TMEM164: variants seen among roughly 807,000 people sequenced by gnomAD.
The protein encoded by TMEM164 is RP13-360B22.2.
In TMEM164, 4 loss-of-function variants were observed where a neutral mutation model predicts 18.8. The ratio of observed to expected loss-of-function variants is 0.21; its 90% CI spans 0.10 to 0.49. The LOEUF (loss-of-function observed/expected upper bound fraction) is 0.49, where lower values mean the gene tolerates loss of function less well. TMEM164 is among the 20% of genes least tolerant of loss of function. The pLI is 0.98. For synonymous variants in TMEM164, 86 were observed against 101.7 expected, an observed-to-expected ratio of 0.85 and a Z score of 0.93; for missense variants, 108 against 239.9, an observed-to-expected ratio of 0.45 and a Z score of 3.63.
At chrX:110,039,436 A>G (rs889007989) in intron 2 of TMEM164, among the ~76,000 whole-genome samples, 2 of 112,252 alleles carry the variant, frequency 1.8e-5, no homozygotes, top group African/African-American at 6.5e-5. Context: ...AGTAAGGAAA[A>G]CTCGAGAGCG....
chrX:110,133,702 G>A (rs1378531581), intron 4 of TMEM164, among the ~76,000 whole-genome samples: 3 of 111,528 alleles, frequency 2.7e-5, no homozygotes, highest in Non-Finnish European at 1.9e-5. Context: ...AGAAAATGCA[G>A]CAGACTTAGT....
intron 3 of TMEM164, among the ~76,000 whole-genome samples, chrX:110,079,988 A>T (rs756773371): frequency 4.8e-4 from 53 of 109,361 alleles, no homozygotes; most frequent in Non-Finnish European, 6.8e-4. Context: ...AATAATAATT[A>T]AAAAAAATGA....
chrX:110,115,397 GAGGCACAATAGTGCCTCAACCTTCTGCAA>G (rs2066346922), intron 4 of TMEM164, among the ~76,000 whole-genome samples: 1 of 112,061 alleles, frequency 8.9e-6, no homozygotes, highest in Admixed American at 9.5e-5. Flanking sequence ...AGAATTGAGT[GAGGCACAATAGTGCCTCAACCTTCTGCAA>G]AGGCCAGTAT....
intron 2 of TMEM164, among the ~76,000 whole-genome samples, chrX:110,021,505 C>CTG (rs1569296962): frequency 1.8e-5 from 2 of 110,455 alleles, no homozygotes; most frequent in African/African-American, 6.6e-5. Context: ...AAAAGCAAAT[C>CTG]TGTGTGTGTG....
Position 110,173,494 on chromosome X carries a change from C to T in TMEM164, c.*43C>T, listed in dbSNP as rs200859909. The T allele has an allele frequency of 4.1e-4, 449 of 1,099,754 alleles. 1 individual carries two copies. In the African/African-American group the frequency reaches 5.3e-3, roughly 13 times the overall value. 90.6% of individuals were successfully genotyped at this position (1,099,754 alleles called of 1,213,427 possible). ...TTTTTTCCTCCCTGAGGAAGCAAGT[C>T]GTGACTTGACTTGGAGAACACCCAG... On this transcript the variant is annotated 3_prime_UTR_variant, in exon 7 of 7. Transcript: ENST00000372068.
chrX:110,040,150 GAT>G (rs1457568652), intron 2 of TMEM164, among the ~76,000 whole-genome samples: 1 of 112,294 alleles, frequency 8.9e-6, no homozygotes, highest in Non-Finnish European at 1.9e-5. Flanking sequence ...AGAATGAGAA[GAT>G]ACTCTTGAAA....
chrX:110,108,125 T>TGTGTGTGA lies in TMEM164; in HGVS notation c.441-954_441-953insTGTGTGAG, dbSNP rs1444288844. Among the ~76,000 whole-genome samples the TGTGTGTGA allele has an allele frequency of 8.8e-4, 90 of 102,780 alleles. 1 individual carries two copies. The highest frequency in any genetic ancestry group is 2.8e-3 in the African/African-American group (76 of 26,684). 89.3% of individuals were successfully genotyped at this position (102,780 alleles called of 115,157 possible). On this transcript the variant is annotated intron_variant, in intron 3 of 6. Transcript: ENST00000372068. ...GTGTGTGTGTGTGTGTGTGTGTGTG[T>TGTGTGTGA]GATTGAGATTGACATCAACCCCCAT...
rs747033475 is a variant in TMEM164 at position 110,003,975 on chromosome X, C to T, written c.201C>T (p.Asp67=). Residue 67 remains aspartate (D), a synonymous_variant, in exon 2 of 7, where the codon GAC becomes GAT. Transcript: ENST00000372068. ...ACATCCTGAGGCAGACGAAGGAGGACGGTAGGGGTAGCCCTGGCAGCCAGC... is the reference window on the plus strand; with the variant it reads ...ACATCCTGAGGCAGACGAAGGAGGATGGTAGGGGTAGCCCTGGCAGCCAGC... ...LRHILRQTKE[D]GRGSPGSQPE... 3.3e-6 allele frequency: 4 copies of T among 1,209,376 alleles called. No homozygotes were observed. The highest frequency in any genetic ancestry group is 3.0e-5 in the East Asian group (1 of 33,736).
At chrX:110,115,062 G>T (rs1237766072) in intron 4 of TMEM164, among the ~76,000 whole-genome samples, 1 of 111,488 alleles carries the variant, frequency 9.0e-6, no homozygotes, top group African/African-American at 3.3e-5. Context: ...CATTACTGGG[G>T]TGTCTAGCCT....
chrX:110,148,675 ATTTTTTTTT>A (rs373500523), intron 5 of TMEM164, among the ~76,000 whole-genome samples: 19 of 67,890 alleles, frequency 2.8e-4, no homozygotes, highest in Admixed American at 1.1e-3. Flanking sequence ...CACCCGGCTC[ATTTTTTTTT>A]TTTTTTTTTT....
chrX:110,018,959 C>G lies in TMEM164; in HGVS notation c.390+14795C>G, dbSNP rs1569295997. Among the ~76,000 whole-genome samples the G allele has an allele frequency of 3.6e-5, 4 of 112,148 alleles. No homozygotes were observed. In the South Asian group the frequency reaches 1.1e-3, roughly 31 times the overall value. The stretch of plus-strand genomic sequence containing the variant: ...TGTCTTGAGAGCAGGAACATTTAAA[C>G]ATTCCCTAGGCCACCTGTTTCTAGA... On this transcript the variant is annotated intron_variant, in intron 2 of 6. Coordinates refer to ENST00000372068, the MANE Select transcript of TMEM164 (RefSeq NM_032227.4).
In TMEM164 at chrX:110,062,928, G is replaced by A. The variant is rs1245501929; in HGVS notation, c.391-4419G>A. ...CTTGTAGCAGTGTGCCTGGAGGCAG[G>A]AGACCAGTAAGGAAATTATTGCAGT... On this transcript the variant is annotated intron_variant, in intron 2 of 6. Transcript: ENST00000372068. Among the ~76,000 whole-genome samples, 6 of 111,774 alleles carry A rather than the reference G, an allele frequency of 5.4e-5. No individual in the cohort carries two copies. The Admixed American group carries it at 5.7e-4, about 11-fold the overall frequency.
chrX:110,056,284 G>A (rs1006597749), intron 2 of TMEM164, among the ~76,000 whole-genome samples: 1 of 109,646 alleles, frequency 9.1e-6, no homozygotes, highest in Non-Finnish European at 1.9e-5. Context: ...ATTATAATAT[G>A]TGACCTTTTT....
At chrX:110,096,542 C>T (rs962147946) in intron 3 of TMEM164, among the ~76,000 whole-genome samples, 1 of 112,459 alleles carries the variant, frequency 8.9e-6, no homozygotes, top group Non-Finnish European at 1.9e-5. Context: ...TGGAAAAGCG[C>T]AGTATTAGGG....
intron 4 of TMEM164, among the ~76,000 whole-genome samples, chrX:110,118,508 G>A (rs1432914652): frequency 9.0e-6 from 1 of 111,240 alleles, no homozygotes; most frequent in African/African-American, 3.3e-5. Context: ...TAGAATTCCC[G>A]TTTGTTTACT....
chrX:110,137,340 A>G (rs1167430732), intron 4 of TMEM164, among the ~76,000 whole-genome samples: 1 of 111,161 alleles, frequency 9.0e-6, no homozygotes, highest in Non-Finnish European at 1.9e-5. Flanking sequence ...CCAACATCCC[A>G]CCATCCATCT....
intron 3 of TMEM164, among the ~76,000 whole-genome samples, chrX:110,079,184 G>A (rs929283364): frequency 4.5e-5 from 5 of 111,837 alleles, no homozygotes; most frequent in Admixed American, 9.5e-5. Flanking sequence ...AACTCTCAGA[G>A]AATTGCCCTT....
chrX:110,181,070 C>T (rs1362609355), downstream of TMEM164, among the ~76,000 whole-genome samples: 2 of 111,329 alleles, frequency 1.8e-5, no homozygotes, highest in Non-Finnish European at 3.8e-5. Context: ...ACCTCTAGTA[C>T]AGTGGACTGT....
Position 110,174,953 on chromosome X carries a change from G to T in TMEM164, c.*1502G>T, listed in dbSNP as rs917289447. 2 of 112,195 alleles carry T rather than the reference G, an allele frequency of 1.8e-5. No individual in the cohort carries two copies. The highest frequency in any genetic ancestry group is 6.5e-5 in the African/African-American group (2 of 30,813). The allele number at this position is 112,195 out of a possible 1,213,427, so 9.2% of individuals were successfully genotyped here. On this transcript the variant is annotated 3_prime_UTR_variant, in exon 7 of 7. Transcript: ENST00000372068. Reference sequence around the variant, plus strand: ...TGTTTGACCTACACTGAGCTTCGGTGCCTCAGTGGTCATAATTTTAGCAAG... The same window carrying T: ...TGTTTGACCTACACTGAGCTTCGGTTCCTCAGTGGTCATAATTTTAGCAAG...
Sources: gnomAD v4.1 joint callset for allele counts (sites outside exome capture counted in the v4.1 genomes callset) on GRCh38, gnomAD v4.1.1 for gene constraint, MANE v1.5 for transcripts, NCBI Gene and HGNC (gene_info 2026-07-23, HGNC 2026-07-21) for gene names.